The following DPYD variants were observed in gnomAD, a reference collection of about 807,000 sequenced individuals.
The protein encoded by DPYD is dihydropyrimidine dehydrogenase.
A neutral mutation model predicts 116.2 loss-of-function variants in DPYD; 109 were observed. The ratio of observed to expected loss-of-function variants is 0.94; its 90% CI spans 0.80 to 1.10. The LOEUF (loss-of-function observed/expected upper bound fraction) is 1.10, where lower values mean the gene tolerates loss of function less well. Among genes scored for constraint, DPYD ranks in the 50% least tolerant of loss-of-function variants. The pLI is 0.00. For synonymous variants in DPYD, 440 were observed against 432.0 expected, an observed-to-expected ratio of 1.02 and a Z score of -0.23; for missense variants, 1,302 against 1,254.5, an observed-to-expected ratio of 1.04 and a Z score of -0.57.
intron 3 of DPYD, among the ~76,000 whole-genome samples, chr1:97,757,959 A>G (rs763791639): frequency 1.2e-4 from 19 of 152,188 alleles, no homozygotes; most frequent in Non-Finnish European, 2.6e-4. Flanking sequence ...TGTCTGCACT[A>G]CTGAATTCTC....
At chr1:97,324,323 C>T (rs570209865) in intron 16 of DPYD, among the ~76,000 whole-genome samples, 1 of 152,074 alleles carries the variant, frequency 6.6e-6, no homozygotes, top group East Asian at 1.9e-4. Context: ...TGTGGAGTGA[C>T]ATTATTGCCT....
intron 13 of DPYD, among the ~76,000 whole-genome samples, chr1:97,481,648 C>G (rs1176138305): frequency 6.6e-6 from 1 of 151,980 alleles, no homozygotes; most frequent in Non-Finnish European, 1.5e-5. Flanking sequence ...GTTTTACATT[C>G]TATTATGAGA....
chr1:97,291,417 G>T (rs1371920122), intron 18 of DPYD, among the ~76,000 whole-genome samples: 5 of 151,834 alleles, frequency 3.3e-5, no homozygotes, highest in African/African-American at 1.2e-4. Flanking sequence ...ATTCACAATA[G>T]CAAAGACTTG....
intron 8 of DPYD, among the ~76,000 whole-genome samples, chr1:97,618,290 G>T (rs1656413310): frequency 6.9e-6 from 1 of 145,382 alleles, no homozygotes; most frequent in Non-Finnish European, 1.5e-5. Context: ...AACAGAAATT[G>T]ACAAAAAAAA....
chr1:97,740,874 A>G (rs1487637075), intron 3 of DPYD, among the ~76,000 whole-genome samples: 2 of 152,184 alleles, frequency 1.3e-5, no homozygotes, highest in Admixed American at 1.3e-4. Flanking sequence ...AAATGCAAAG[A>G]TTAAAGGTAA....
chr1:97,398,957 C>T (rs1403476069), intron 14 of DPYD, among the ~76,000 whole-genome samples: 1 of 152,072 alleles, frequency 6.6e-6, no homozygotes, highest in East Asian at 1.9e-4. Context: ...TTAATTAGAT[C>T]CCATTTGTCA....
chr1:97,677,151 G>C (rs969199353), intron 8 of DPYD, among the ~76,000 whole-genome samples: 17 of 152,110 alleles, frequency 1.1e-4, no homozygotes, highest in African/African-American at 4.1e-4. Flanking sequence ...ACTACTCAGA[G>C]TGATAAACAA....
At chr1:97,807,983 C>T (rs1203436187) in intron 3 of DPYD, among the ~76,000 whole-genome samples, 1 of 152,070 alleles carries the variant, frequency 6.6e-6, no homozygotes, top group Non-Finnish European at 1.5e-5. Flanking sequence ...TCGTGTCTAT[C>T]CTTTCAATAA....
intron 20 of DPYD, among the ~76,000 whole-genome samples, chr1:97,156,003 GTGA>G (rs10616443): frequency 0.7 from 106,392 of 151,750 alleles, 38,464 homozygotes; most frequent in East Asian, 0.99. Context: ...ACAACCTCTG[GTGA>G]TGATGCTGAT....
chr1:97,903,578 A>G (rs1404945272), intron 1 of DPYD, among the ~76,000 whole-genome samples: 1 of 151,952 alleles, frequency 6.6e-6, no homozygotes, highest in Non-Finnish European at 1.5e-5. Context: ...ATTATATATT[A>G]ACATATAAGT....
At chr1:97,132,809 G>A (rs1653437905) in intron 20 of DPYD, among the ~76,000 whole-genome samples, 1 of 151,986 alleles carries the variant, frequency 6.6e-6, no homozygotes, top group Non-Finnish European at 1.5e-5. Context: ...ATGATGAAGA[G>A]AACTTCTATA....
chr1:97,740,082 C>A (rs1373798822), intron 4 of DPYD, among the ~76,000 whole-genome samples: 3 of 152,064 alleles, frequency 2.0e-5, no homozygotes, highest in Non-Finnish European at 4.4e-5. Flanking sequence ...TGATCAATGA[C>A]AGTTCTTGTC....
intron 10 of DPYD, among the ~76,000 whole-genome samples, chr1:97,579,344 C>A (rs1267119556): frequency 1.3e-5 from 2 of 152,156 alleles, no homozygotes; most frequent in East Asian, 3.9e-4. Context: ...AAGGAAAGTA[C>A]AACCAACTAG....
In DPYD at chr1:97,098,542, A is replaced by G; in HGVS notation, c.2713T>C (p.Ser905Pro). ...IRLKEQNVAF[S>P]PLKRNCFIPK... ...ATAAAACAGTTTCTCTTAAGTGGTG[A>G]AAAAGCTACATTTTGTTCTTTCAGT... Residue 905 changes from serine (S) to proline (P), a missense_variant, in exon 21 of 23, where the codon TCA becomes CCA. Transcript: ENST00000370192. 1.2e-6 allele frequency: 2 copies of G among 1,613,228 alleles called. No homozygotes were observed. The highest frequency in any genetic ancestry group is 1.7e-6 in the Non-Finnish European group (2 of 1,179,500).
At chr1:97,399,838 G>A (rs1673262734) in intron 14 of DPYD, among the ~76,000 whole-genome samples, 1 of 152,126 alleles carries the variant, frequency 6.6e-6, no homozygotes, top group Admixed American at 6.6e-5. Context: ...TCAGCTTAAG[G>A]AGATTTTGGG....
intron 2 of DPYD, among the ~76,000 whole-genome samples, chr1:97,832,880 C>T (rs147426497): frequency 4.0e-5 from 6 of 151,344 alleles, no homozygotes; most frequent in South Asian, 2.1e-4. Flanking sequence ...GATTTCAGAA[C>T]GCTGAGGATT....
rs548861757 is a variant in DPYD, at chr1:97,173,279, C to CACACATATGTACACATATATGT, written c.2622+19789_2622+19790insACATATATGTGTACATATGTGT. ...ATGCACACATATGTACATATATATG[C>CACACATATGTACACATATATGT]ACACATATATGTACACATATGTACA... On this transcript the variant is annotated intron_variant, in intron 20 of 22. Transcript: ENST00000370192. 4.0e-3 allele frequency among the ~76,000 whole-genome samples: 568 copies of CACACATATGTACACATATATGT among 140,950 alleles called. 3 individuals carry two copies. The highest frequency in any genetic ancestry group is 7.7e-3 in the Admixed American group (111 of 14,440). The allele number at this position is 140,950 out of a possible 152,430, so 92.5% of individuals were successfully genotyped here.
chr1:97,348,564 T>G (rs191934773), intron 16 of DPYD, among the ~76,000 whole-genome samples: 50 of 152,304 alleles, frequency 3.3e-4, no homozygotes, highest in Admixed American at 1.7e-3. Context: ...AAGGAAGAAC[T>G]ATTCCTTTTT....
chr1:97,353,323 C>CAGG (rs1012548062), intron 16 of DPYD, among the ~76,000 whole-genome samples: 73 of 152,148 alleles, frequency 4.8e-4, no homozygotes, highest in African/African-American at 1.7e-3. Context: ...GGCAGGGCTG[C>CAGG]GGAATGGCAG....
Sources: allele counts gnomAD v4.1 joint callset (sites outside exome capture counted in the v4.1 genomes callset), GRCh38; gene constraint gnomAD v4.1.1; transcripts MANE v1.5; gene names NCBI Gene and HGNC (gene_info 2026-07-23, HGNC 2026-07-21).